PTPRD: variants seen among roughly 807,000 people sequenced by gnomAD.
The protein encoded by PTPRD is receptor-type tyrosine-protein phosphatase delta.
In PTPRD, 34 loss-of-function variants were observed where a neutral mutation model predicts 214.5. That is an observed-to-expected ratio of 0.16 (90% CI 0.12 to 0.21). PTPRD has a LOEUF of 0.21. PTPRD is among the 10% of genes least tolerant of loss of function. The pLI is 1.00. For synonymous variants in PTPRD, 1,128 were observed against 845.7 expected, an observed-to-expected ratio of 1.33 and a Z score of -5.79; for missense variants, 2,545 against 2,398.7, an observed-to-expected ratio of 1.06 and a Z score of -1.27.
intron 3 of PTPRD, among the ~76,000 whole-genome samples, chr9:10,051,380 G>A (rs2097532188): frequency 1.3e-5 from 2 of 151,810 alleles, no homozygotes; most frequent in African/African-American, 4.8e-5. Flanking sequence ...CTCTTCTCCT[G>A]CTGTTAGTCA....
intron 11 of PTPRD, among the ~76,000 whole-genome samples, chr9:8,788,155 C>T (rs2096067967): frequency 2.0e-5 from 3 of 150,874 alleles, no homozygotes; most frequent in African/African-American, 7.3e-5. Flanking sequence ...ATTCAAAATT[C>T]ATTTAGGACA....
At chr9:8,772,405 T>G (rs977953141) in intron 11 of PTPRD, among the ~76,000 whole-genome samples, 1 of 109,296 alleles carries the variant, frequency 9.1e-6, no homozygotes, top group African/African-American at 3.3e-5. Context: ...AGAAGTACAG[T>G]TAAAAACCTC....
chr9:9,768,707 G>C (rs2098726652), intron 5 of PTPRD, among the ~76,000 whole-genome samples: 1 of 152,088 alleles, frequency 6.6e-6, no homozygotes, highest in African/African-American at 2.4e-5. Flanking sequence ...AGGAAACAAA[G>C]TTTTCCACAG....
chr9:10,607,156 T>C (rs934075180), intron 2 of PTPRD, among the ~76,000 whole-genome samples: 1 of 151,874 alleles, frequency 6.6e-6, no homozygotes, highest in East Asian at 1.9e-4. Context: ...TGTAAGTAAA[T>C]GTATTTGAGA....
chr9:8,991,793 A>C (rs541911884), intron 11 of PTPRD, among the ~76,000 whole-genome samples: 2 of 152,284 alleles, frequency 1.3e-5, no homozygotes, highest in East Asian at 3.9e-4. Context: ...GTTCATAATT[A>C]AGATTTGGAA....
intron 3 of PTPRD, among the ~76,000 whole-genome samples, chr9:10,136,614 C>T (rs980244992): frequency 2.2e-5 from 3 of 134,400 alleles, no homozygotes; most frequent in African/African-American, 8.6e-5. Context: ...AAAACCTAGG[C>T]ATTACCATTC....
rs58602125 is a variant in PTPRD, at chr9:8,691,488, GAA to G, written c.64+42290_64+42291del. ...GAGAGTAGCAGCAACATACAAAGGA[GAA>G]AAAAAAAATGAACAAACCTCTCCTG... On this transcript the variant is annotated intron_variant, in intron 12 of 45. Transcript: ENST00000381196. Among the ~76,000 whole-genome samples, 92 of 149,204 alleles carry G rather than the reference GAA, an allele frequency of 6.2e-4. 1 individual carries two copies. The highest frequency in any genetic ancestry group is 2.2e-3 in the African/African-American group (89 of 40,862).
At chr9:8,787,365 T>C (rs1430700974) in intron 11 of PTPRD, among the ~76,000 whole-genome samples, 1 of 152,186 alleles carries the variant, frequency 6.6e-6, no homozygotes, top group Non-Finnish European at 1.5e-5. Flanking sequence ...ATATTAAAAA[T>C]GGGTACTAAC....
chr9:9,209,044 G>A (rs146620335), intron 9 of PTPRD, among the ~76,000 whole-genome samples: 2,979 of 151,894 alleles, frequency 0.02, 49 homozygotes, highest in Non-Finnish European at 0.026. Flanking sequence ...TCCTGACCTC[G>A]TGATCGGCCC....
chr9:9,153,370 T>C (rs80097209), intron 10 of PTPRD, among the ~76,000 whole-genome samples: 5,190 of 152,242 alleles, frequency 0.034, 310 homozygotes, highest in African/African-American at 0.12. Flanking sequence ...AACAGGTCTG[T>C]GTGTGCCTGA....
At chr9:8,635,667 A>G (rs974481271) in intron 13 of PTPRD, among the ~76,000 whole-genome samples, 4 of 152,232 alleles carry the variant, frequency 2.6e-5, no homozygotes, top group Admixed American at 1.3e-4. Flanking sequence ...TTAACTAGAA[A>G]TTGCCTTTAA....
chr9:10,031,774 G>A (rs556058488), intron 4 of PTPRD, among the ~76,000 whole-genome samples: 1 of 150,916 alleles, frequency 6.6e-6, no homozygotes, highest in South Asian at 2.1e-4. Context: ...GAGTTTACTA[G>A]ATTCGTAGAT....
chr9:9,784,964 GT>G (rs1369427858), intron 5 of PTPRD, among the ~76,000 whole-genome samples: 1 of 151,100 alleles, frequency 6.6e-6, no homozygotes, highest in East Asian at 1.9e-4. Context: ...TATGTACAGG[GT>G]TTGGGTGAAT....
rs1480904632 is a variant in PTPRD, at chr9:8,317,745, G to C, written c.*129C>G. 1.4e-6 allele frequency: 1 copy of C among 730,976 alleles called. No homozygotes were observed. Among genetic ancestry groups the C allele is most frequent in the Non-Finnish European group, 2.4e-6 (1 of 420,442 alleles). The allele number at this position is 730,976 out of a possible 1,614,324, so 45.3% of individuals were successfully genotyped here. ...AATTTGTTTTTAATTTGTTTTGTGT[G>C]TAATAGTCCCACTAAGTAGTTGTTA... On this transcript the variant is annotated 3_prime_UTR_variant, in exon 46 of 46. Coordinates refer to ENST00000381196, the MANE Select transcript of PTPRD (RefSeq NM_002839.4).
intron 9 of PTPRD, among the ~76,000 whole-genome samples, chr9:9,195,834 T>C (rs779026018): frequency 6.6e-6 from 1 of 152,082 alleles, no homozygotes; most frequent in Non-Finnish European, 1.5e-5. Context: ...AAAAGACAAT[T>C]ACCTAAAAAG....
intron 9 of PTPRD, among the ~76,000 whole-genome samples, chr9:9,245,806 A>G (rs2131294643): frequency 6.6e-6 from 1 of 152,268 alleles, no homozygotes; most frequent in African/African-American, 2.4e-5. Flanking sequence ...CCTTTGTCAC[A>G]TGCCCAGGAA....
At chr9:8,609,769 TA>T (rs1407269514) in intron 14 of PTPRD, among the ~76,000 whole-genome samples, 1 of 152,214 alleles carries the variant, frequency 6.6e-6, no homozygotes, top group Non-Finnish European at 1.5e-5. Flanking sequence ...TCATAATTCA[TA>T]AAAATGGAAG....
At chr9:9,061,863 C>G (rs184913221) in intron 10 of PTPRD, among the ~76,000 whole-genome samples, 54 of 152,110 alleles carry the variant, frequency 3.6e-4, no homozygotes, top group African/African-American at 1.2e-3. Context: ...TCCCAGTTGT[C>G]AAACTCAAAT....
chr9:8,703,907 A>AC (rs2098142939), intron 12 of PTPRD, among the ~76,000 whole-genome samples: 1 of 151,958 alleles, frequency 6.6e-6, no homozygotes, highest in Non-Finnish European at 1.5e-5. Flanking sequence ...AAACAACTCT[A>AC]CCCTCCTCCG....
Sources: gnomAD v4.1 joint callset for allele counts (sites outside exome capture counted in the v4.1 genomes callset) on GRCh38, gnomAD v4.1.1 for gene constraint, MANE v1.5 for transcripts, NCBI Gene and HGNC (gene_info 2026-07-23, HGNC 2026-07-21) for gene names.